RDX: variants seen among roughly 807,000 people sequenced by gnomAD.
RDX encodes radixin, also known as deafness, autosomal recessive 24.
RDX carries 32 observed loss-of-function variants against 83.7 expected under a neutral mutation model. The ratio of observed to expected loss-of-function variants is 0.38; its 90% CI spans 0.29 to 0.51. RDX has a LOEUF of 0.51. Ranked by LOEUF, RDX falls within the 20% of genes least tolerant of loss-of-function variation. The pLI is 0.87. For missense variants in RDX, 600 were observed against 689.9 expected, an observed-to-expected ratio of 0.87 and a Z score of 1.46; for synonymous variants, 229 against 222.7, an observed-to-expected ratio of 1.03 and a Z score of -0.25.
At chr11:110,285,279 G>A (rs1421911213) in intron 1 of RDX, among the ~76,000 whole-genome samples, 1 of 152,000 alleles carries the variant, frequency 6.6e-6, no homozygotes. Context: ...CAGCTACTGG[G>A]GAGGCTGAGA....
intron 1 of RDX, among the ~76,000 whole-genome samples, chr11:110,294,811 CAT>C (rs1861380490): frequency 6.6e-6 from 1 of 152,042 alleles, no homozygotes; most frequent in South Asian, 2.1e-4. Context: ...GACTCTCCTA[CAT>C]ACTCTTCCAT....
rs1054900299 is a variant in RDX at position 110,200,973 on chromosome 11, C to T, written c.1749-1295G>A. 2.9e-4 allele frequency among the ~76,000 whole-genome samples: 44 copies of T among 151,986 alleles called. 3 individuals carry two copies. The highest frequency in any genetic ancestry group is 4.8e-5 in the African/African-American group (2 of 41,378). ...CAGAGATCACCTGAGGTCGGGAGTT[C>T]GAAACCAGCCTGACCAACATAGAGA... On this transcript the variant is annotated intron_variant, in intron 14 of 15. Transcript: ENST00000528498.
At chr11:110,215,036 CA>C (rs1195888196) in intron 14 of RDX, among the ~76,000 whole-genome samples, 5,893 of 125,694 alleles carry the variant, frequency 0.047, 413 homozygotes, top group African/African-American at 0.16. Context: ...GGAGACCTAA[CA>C]AAAAAAAAAA....
At chr11:110,196,258 G>A (rs1428934739) in intron 15 of RDX, 5 of 152,218 alleles carry the variant, frequency 3.3e-5, no homozygotes, top group African/African-American at 9.6e-5. Flanking sequence ...CAGTTGAAAA[G>A]GCATGACCCT....
intron 3 of RDX, among the ~76,000 whole-genome samples, chr11:110,270,590 GTAATGT>G (rs1433282535): frequency 6.6e-6 from 1 of 152,184 alleles, no homozygotes; most frequent in East Asian, 1.9e-4. Flanking sequence ...CTCTGAAGAA[GTAATGT>G]TACCATCATC....
intron 14 of RDX, among the ~76,000 whole-genome samples, chr11:110,201,247 T>G (rs947247938): frequency 1.3e-5 from 2 of 151,310 alleles, no homozygotes; most frequent in African/African-American, 4.9e-5. Flanking sequence ...TAGTCACTAG[T>G]AATATTATTC....
chr11:110,206,530 C>T (rs573328855), intron 14 of RDX, among the ~76,000 whole-genome samples: 24 of 152,048 alleles, frequency 1.6e-4, no homozygotes, highest in Non-Finnish European at 2.9e-4. Context: ...AGCTAAGAAA[C>T]GGATGACGTG....
At chr11:110,248,416 G>A (rs576398482) in intron 9 of RDX, among the ~76,000 whole-genome samples, 1 of 152,146 alleles carries the variant, frequency 6.6e-6, no homozygotes, top group Admixed American at 6.5e-5. Context: ...ACATACATGT[G>A]CTGGGTTCCA....
At chr11:110,255,519 A>C in intron 7 of RDX, 134 bp from the exon 8 acceptor site, 1 of 636,908 alleles carries the variant, frequency 1.6e-6, no homozygotes, top group Non-Finnish European at 2.9e-6. Context: ...ATTCATAACT[A>C]CAGTTGACCT....
intron 14 of RDX, among the ~76,000 whole-genome samples, chr11:110,210,860 A>T (rs1047754405): frequency 2.0e-5 from 3 of 152,198 alleles, no homozygotes; most frequent in African/African-American, 7.2e-5. Context: ...GGAAAGGAAC[A>T]ACCAGTACCA....
Position 110,264,082 on chromosome 11 carries a change from T to C in RDX, c.345A>G (p.Ile115Met), listed in dbSNP as rs919237920. Residue 115 changes from isoleucine (I) to methionine (M), a missense_variant, in exon 5 of 14, where the codon ATA becomes ATG. Transcript: ENST00000645495. ...GAACTGCAGTTTCTGGCGGGCAATA[T>C]ATCTCATCATTTAAGATGGCTTCTT... ...QVKEAILNDE[I>M]YCPPETAVLL... 3 of 1,613,856 alleles carry C rather than the reference T, an allele frequency of 1.9e-6. No homozygotes were observed. The highest frequency in any genetic ancestry group is 2.7e-5 in the African/African-American group (2 of 74,924).
chr11:110,196,984 G>A (rs527786242), intron 15 of RDX, among the ~76,000 whole-genome samples: 54 of 152,078 alleles, frequency 3.6e-4, no homozygotes, highest in African/African-American at 1.2e-3. Context: ...CTGCAGCCTC[G>A]ACCTCCTGGG....
At chr11:110,265,230 A>G (rs1409773372) in intron 3 of RDX, among the ~76,000 whole-genome samples, 1 of 151,346 alleles carries the variant, frequency 6.6e-6, no homozygotes, top group African/African-American at 2.4e-5. Flanking sequence ...AGCTGTGATT[A>G]CAGGTATGCA....
At chr11:110,178,258 A>G (rs1862816317) in intron 15 of RDX, among the ~76,000 whole-genome samples, 1 of 152,210 alleles carries the variant, frequency 6.6e-6, no homozygotes, top group African/African-American at 2.4e-5. Flanking sequence ...CCTCTCTTCT[A>G]GTGCAGAACT....
At position 110,237,698 on chromosome 11, in the gene RDX, T is replaced by A. The variant is rs775618702; in HGVS notation, c.1091-46A>T. On this transcript the variant is annotated intron_variant, in intron 10 of 13. Coordinates refer to ENST00000645495, the MANE Select transcript of RDX (RefSeq NM_002906.4). ...CCCCAACAGTGATTAATTCCAATCATTCTCATTATCAAAAGAAGCTAAAAT... is the reference window on the plus strand; with the variant it reads ...CCCCAACAGTGATTAATTCCAATCAATCTCATTATCAAAAGAAGCTAAAAT... The A allele has an allele frequency of 2.1e-5, 33 of 1,592,948 alleles. No homozygotes were observed. In the East Asian group the frequency reaches 7.1e-4, roughly 34 times the overall value.
At chr11:110,263,100 C>A (rs965624132) in intron 5 of RDX, among the ~76,000 whole-genome samples, 16 of 151,720 alleles carry the variant, frequency 1.1e-4, no homozygotes, top group Non-Finnish European at 2.2e-4. Flanking sequence ...CATAGTGATA[C>A]CCTGTCTCTG....
intron 14 of RDX, among the ~76,000 whole-genome samples, chr11:110,207,913 G>A (rs1347679572): frequency 1.3e-5 from 2 of 151,672 alleles, no homozygotes; most frequent in East Asian, 3.9e-4. Flanking sequence ...GTAATTTTCT[G>A]TTGAAAACGC....
At chr11:110,191,303 A>T (rs116772493) in intron 15 of RDX, among the ~76,000 whole-genome samples, 2,530 of 152,354 alleles carry the variant, frequency 0.017, 86 homozygotes, top group African/African-American at 0.056. Context: ...TTCACCAGAT[A>T]AACAGAAATA....
At chr11:110,236,254 CA>C (rs1463635160) in intron 11 of RDX, 63 bp from the exon 12 acceptor site, 1 of 1,315,880 alleles carries the variant, frequency 7.6e-7, no homozygotes, top group African/African-American at 1.5e-5. Flanking sequence ...TATAAGTCAA[CA>C]AAGTTTTAAT....
Sources: gnomAD v4.1 joint callset for allele counts (sites outside exome capture counted in the v4.1 genomes callset) on GRCh38, gnomAD v4.1.1 for gene constraint, MANE v1.5 for transcripts, NCBI Gene and HGNC (gene_info 2026-07-23, HGNC 2026-07-21) for gene names.